Variants in CACHD1 observed in about 807,000 individuals in gnomAD.
The protein encoded by CACHD1 is VWFA and cache domain-containing protein 1.
Under a neutral mutation model 138.7 loss-of-function variants are expected in CACHD1, and 71 were observed. That is an observed-to-expected ratio of 0.51 (90% CI 0.42 to 0.62). CACHD1 has a LOEUF of 0.62. Among genes scored for constraint, CACHD1 ranks in the 20% least tolerant of loss-of-function variants. CACHD1 has a pLI of 0.00. For missense variants in CACHD1, 1,389 were observed against 1,625.3 expected (o/e 0.85, Z 2.50); for synonymous variants, 578 against 591.5 (o/e 0.98, Z 0.33).
intron 24 of CACHD1, among the ~76,000 whole-genome samples, chr1:64,680,613 C>A (rs1037938384): frequency 6.6e-6 from 1 of 152,146 alleles, no homozygotes; most frequent in Admixed American, 6.5e-5. Flanking sequence ...GGGAACAAAA[C>A]TGTTTAATGG....
chr1:64,488,651 G>T (rs2100291698), intron 1 of CACHD1, among the ~76,000 whole-genome samples: 1 of 152,212 alleles, frequency 6.6e-6, no homozygotes, highest in East Asian at 1.9e-4. Flanking sequence ...TTAGTTACAA[G>T]ACTGAGATCA....
Position 64,644,718 on chromosome 1 carries a change from A to G in CACHD1, c.1156+2749A>G, listed in dbSNP as rs147538614. 2.9e-3 allele frequency among the ~76,000 whole-genome samples: 438 copies of G among 152,346 alleles called. 4 individuals are homozygous for G. Among genetic ancestry groups the G allele is most frequent in the African/African-American group, 9.9e-3 (412 of 41,578 alleles). On this transcript the variant is annotated intron_variant, in intron 8 of 26. Coordinates refer to ENST00000651257, the MANE Select transcript of CACHD1 (RefSeq NM_020925.4). Reference sequence around the variant, plus strand: ...ACCCTATTTCTAAGTGTAATTCACTAGAGTAGACACAATTAACCTTACTTA... The same window carrying G: ...ACCCTATTTCTAAGTGTAATTCACTGGAGTAGACACAATTAACCTTACTTA...
chr1:64,656,874 G>A (rs1649279026), intron 12 of CACHD1, among the ~76,000 whole-genome samples: 1 of 151,874 alleles, frequency 6.6e-6, no homozygotes, highest in East Asian at 1.9e-4. Flanking sequence ...TTGGGGAGGA[G>A]GGTAGATACT....
chr1:64,533,387 G>A (rs373001054), intron 1 of CACHD1, among the ~76,000 whole-genome samples: 30 of 152,122 alleles, frequency 2.0e-4, no homozygotes, highest in African/African-American at 6.8e-4. Context: ...TTCAGACACC[G>A]AGCTGTTGTG....
intron 3 of CACHD1, among the ~76,000 whole-genome samples, chr1:64,590,721 A>G (rs888903943): frequency 6.6e-6 from 1 of 152,180 alleles, no homozygotes. Flanking sequence ...GAACTCAAGC[A>G]TGAGCTTCTA....
At chr1:64,532,273 A>G (rs577492275) in intron 1 of CACHD1, among the ~76,000 whole-genome samples, 1 of 152,150 alleles carries the variant, frequency 6.6e-6, no homozygotes, top group Admixed American at 6.5e-5. Context: ...CCTTCTTGTG[A>G]ATTAATTAAT....
intron 2 of CACHD1, among the ~76,000 whole-genome samples, chr1:64,578,706 G>A (rs532323723): frequency 6.6e-6 from 1 of 152,312 alleles, no homozygotes; most frequent in East Asian, 1.9e-4. Flanking sequence ...ATGCTAAGCT[G>A]GGGAGCTGCC....
Position 64,654,780 on chromosome 1 carries a change from A to T in CACHD1, c.1759A>T (p.Asn587Tyr). The change falls in exon 12 of 27, where the codon AAT becomes TAT. Residue 587 changes from asparagine (N) to tyrosine (Y), a missense_variant. Transcript: ENST00000651257. ...GAGAGAAACTGGAAAGGAAGCCTAC[A>T]ATGTTAGCTATGCCTGGAAGATGGT... ...KLRETGKEAY[N>Y]VSYAWKMVQD... 1 of 1,612,804 alleles carries T rather than the reference A, an allele frequency of 6.2e-7. No homozygotes were observed. Among genetic ancestry groups the T allele is most frequent in the South Asian group, 1.1e-5 (1 of 91,064 alleles).
At chr1:64,490,664 T>G (rs1570300533) in intron 1 of CACHD1, among the ~76,000 whole-genome samples, 1 of 152,164 alleles carries the variant, frequency 6.6e-6, no homozygotes, top group East Asian at 1.9e-4. Flanking sequence ...AAAAATAGCT[T>G]GCCTTTTAAG....
intron 8 of CACHD1, among the ~76,000 whole-genome samples, chr1:64,644,904 C>T (rs1214167715): frequency 6.6e-6 from 1 of 152,188 alleles, no homozygotes; most frequent in African/African-American, 2.4e-5. Flanking sequence ...TCGAGACCAG[C>T]CTGACCAGCG....
chr1:64,488,481 G>A (rs1646255789), intron 1 of CACHD1, among the ~76,000 whole-genome samples: 1 of 152,124 alleles, frequency 6.6e-6, no homozygotes, highest in Non-Finnish European at 1.5e-5. Context: ...GTCTGACATT[G>A]AATGAAGAGG....
intron 2 of CACHD1, among the ~76,000 whole-genome samples, chr1:64,567,089 C>T (rs967699253): frequency 3.9e-5 from 6 of 152,044 alleles, no homozygotes; most frequent in Non-Finnish European, 7.4e-5. Flanking sequence ...AGTGGATAAA[C>T]TAGATTATGA....
intron 1 of CACHD1, among the ~76,000 whole-genome samples, chr1:64,485,452 G>T (rs1646236636): frequency 6.6e-6 from 1 of 152,234 alleles, no homozygotes; most frequent in Admixed American, 6.5e-5. Context: ...CAGTGCATTT[G>T]AGATTCATCC....
At chr1:64,510,942 G>T (rs942753549) in intron 1 of CACHD1, among the ~76,000 whole-genome samples, 1 of 152,202 alleles carries the variant, frequency 6.6e-6, no homozygotes, top group African/African-American at 2.4e-5. Context: ...ATGGCTGTGG[G>T]TACATTGGAA....
At chr1:64,492,300 T>G (rs940725394) in intron 1 of CACHD1, among the ~76,000 whole-genome samples, 4 of 147,584 alleles carry the variant, frequency 2.7e-5, no homozygotes, top group Non-Finnish European at 4.5e-5. Context: ...TCTTTGTTGC[T>G]TGAAGAATAA....
At chr1:64,676,679 TC>T (rs2100728854) in intron 21 of CACHD1, among the ~76,000 whole-genome samples, 1 of 152,314 alleles carries the variant, frequency 6.6e-6, no homozygotes, top group East Asian at 1.9e-4. Context: ...AGATGAGGTT[TC>T]ATCATGTTGC....
intron 1 of CACHD1, among the ~76,000 whole-genome samples, chr1:64,502,642 C>T (rs1351651171): frequency 8.0e-6 from 1 of 125,774 alleles, no homozygotes; most frequent in Non-Finnish European, 1.5e-5. Flanking sequence ...TTCTATTGCA[C>T]ATTCTCTTAT....
At chr1:64,638,919 A>G (rs1268838544) in intron 7 of CACHD1, among the ~76,000 whole-genome samples, 1 of 152,198 alleles carries the variant, frequency 6.6e-6, no homozygotes, top group Non-Finnish European at 1.5e-5. Flanking sequence ...TAAGGTGGGA[A>G]TGGAGTCAGG....
At chr1:64,551,213 CT>C (rs1322463513) in intron 2 of CACHD1, among the ~76,000 whole-genome samples, 1 of 151,230 alleles carries the variant, frequency 6.6e-6, no homozygotes, top group Non-Finnish European at 1.5e-5. Flanking sequence ...TTTTCTTTTT[CT>C]TTCCTCTTTT....
Sources: allele counts gnomAD v4.1 joint callset (sites outside exome capture counted in the v4.1 genomes callset), GRCh38; gene constraint gnomAD v4.1.1; transcripts MANE v1.5; gene names NCBI Gene and HGNC (gene_info 2026-07-23, HGNC 2026-07-21).